Variants in LRFN5 observed in about 807,000 individuals in gnomAD.
The protein encoded by LRFN5 is leucine rich repeat and fibronectin type III domain containing 5.
Under a neutral mutation model 45.6 loss-of-function variants are expected in LRFN5, and 24 were observed. The ratio of observed to expected loss-of-function variants is 0.53; its 90% CI spans 0.38 to 0.74. The LOEUF is 0.74. Ranked by LOEUF, LRFN5 falls within the 30% of genes least tolerant of loss-of-function variation. The pLI, the probability that LRFN5 is intolerant of heterozygous loss-of-function variation, is 0.00. For missense variants in LRFN5, 776 were observed against 861.5 expected, an observed-to-expected ratio of 0.90 and a Z score of 1.24; for synonymous variants, 340 against 313.8, an observed-to-expected ratio of 1.08 and a Z score of -0.88.
chr14:41,706,193 C>T (rs528991651), intron 1 of LRFN5, among the ~76,000 whole-genome samples: 1 of 152,038 alleles, frequency 6.6e-6, no homozygotes, highest in African/African-American at 2.4e-5. Context: ...CTGCACCTCC[C>T]AGGTTCAAGC....
rs976458863 is a variant in LRFN5 at position 41,879,008 on chromosome 14, A to G, written c.-20-7598A>G. ...TTGTCCAAATAACTTGGGAAAAATCATTAATCACAATTTATATGATTTTTT... is the reference window on the plus strand; with the variant it reads ...TTGTCCAAATAACTTGGGAAAAATCGTTAATCACAATTTATATGATTTTTT... On this transcript the variant is annotated intron_variant, in intron 2 of 5. Transcript: ENST00000298119. Among the ~76,000 whole-genome samples the G allele has an allele frequency of 2.0e-5, 3 of 152,082 alleles. No individual in the cohort carries two copies. The South Asian group carries it at 6.2e-4, about 31-fold the overall frequency.
intron 2 of LRFN5, among the ~76,000 whole-genome samples, chr14:41,773,640 T>TA (rs1402203459): frequency 3.9e-5 from 6 of 152,154 alleles, no homozygotes; most frequent in Non-Finnish European, 5.9e-5. Flanking sequence ...AAAAAATAAT[T>TA]ACAGACTTGT....
Position 41,887,550 on chromosome 14 carries a change from A to C in LRFN5, c.925A>C (p.Lys309Gln). Residue 309 changes from lysine to glutamine, a missense_variant, in exon 3 of 6, where the codon AAA becomes CAA. Lys to Gln is a moderately conservative substitution (Grantham distance 53). This residue lies in a region of LRFN5 where 311 missense variants were observed against 405.1 expected (regional missense o/e 0.77). Transcript: ENST00000298119. The surrounding 1 kb of genome is among the most constrained non-coding windows in gnomAD (Gnocchi z 4.8). ...LEGQRATLRC[K>Q]ARGDPEPAIH... ...GGGACAAAGGGCAACACTGAGGTGC[A>C]AAGCCAGGGGAGACCCTGAGCCTGC... 1 of 1,614,208 alleles carries C rather than the reference A, an allele frequency of 6.2e-7. No homozygotes were observed. Among genetic ancestry groups the C allele is most frequent in the African/African-American group, 1.3e-5 (1 of 75,072 alleles).
chr14:41,890,211 T>G (rs1406712000), intron 3 of LRFN5, among the ~76,000 whole-genome samples: 1 of 152,114 alleles, frequency 6.6e-6, no homozygotes, highest in Non-Finnish European at 1.5e-5. Flanking sequence ...TCTAAACTCT[T>G]GCACTTTATA....
chr14:41,733,846 G>A (rs2138800250), intron 1 of LRFN5, among the ~76,000 whole-genome samples: 1 of 151,198 alleles, frequency 6.6e-6, no homozygotes, highest in Admixed American at 6.6e-5. Flanking sequence ...ATGAACAATG[G>A]TTCCTTATTG....
chr14:41,808,197 G>GGAAGGAA (rs1887587235), intron 2 of LRFN5, among the ~76,000 whole-genome samples: 2 of 101,074 alleles, frequency 2.0e-5, no homozygotes, highest in Non-Finnish European at 1.9e-5. Context: ...AGGAAGTAGA[G>GGAAGGAA]GGAAGGAAGG....
Position 41,763,483 on chromosome 14 carries a change from T to C in LRFN5, c.-196-3371T>C, listed in dbSNP as rs575353490. Among the ~76,000 whole-genome samples the C allele has an allele frequency of 3.3e-5, 5 of 152,314 alleles. No individual in the cohort carries two copies. In the South Asian group the frequency reaches 8.3e-4, roughly 25 times the overall value. On this transcript the variant is annotated intron_variant, in intron 1 of 5. Coordinates refer to ENST00000298119, the MANE Select transcript of LRFN5 (RefSeq NM_152447.5). ...TTCTAAGTTCTTTCTGAGTTTAGTA[T>C]TGGCACCTTATGTGGTTTGGCTTTG...
intron 1 of LRFN5, among the ~76,000 whole-genome samples, chr14:41,751,299 T>C (rs1053822554): frequency 6.6e-6 from 1 of 152,116 alleles, no homozygotes. Flanking sequence ...TTAATAGCAC[T>C]ATGGTAAAAT....
chr14:41,667,622 A>G (rs1181989131), intron 1 of LRFN5, among the ~76,000 whole-genome samples: 1 of 152,124 alleles, frequency 6.6e-6, no homozygotes. Context: ...TCCCTGCCTC[A>G]TTGATGAATT....
intron 1 of LRFN5, among the ~76,000 whole-genome samples, chr14:41,612,328 A>G (rs375998745): frequency 1.3e-4 from 20 of 152,196 alleles, no homozygotes; most frequent in African/African-American, 4.6e-4. Flanking sequence ...TGAGGCTGGG[A>G]AAAGGAAGCT....
chr14:41,814,233 C>T (rs564240396), intron 2 of LRFN5, among the ~76,000 whole-genome samples: 1 of 152,170 alleles, frequency 6.6e-6, no homozygotes, highest in East Asian at 1.9e-4. Flanking sequence ...GAATTCTTTG[C>T]TTATGCCTAT....
chr14:41,881,228 T>C (rs895780269), intron 2 of LRFN5, among the ~76,000 whole-genome samples: 1 of 152,148 alleles, frequency 6.6e-6, no homozygotes, highest in Non-Finnish European at 1.5e-5. Flanking sequence ...GCACAGAATA[T>C]CTGAGATAAA....
At chr14:41,673,711 G>A (rs1388895289) in intron 1 of LRFN5, among the ~76,000 whole-genome samples, 3 of 138,424 alleles carry the variant, frequency 2.2e-5, no homozygotes, top group South Asian at 4.9e-4. Flanking sequence ...GTGGCTGGCC[G>A]GGCAGAGGGG....
At chr14:41,685,299 A>G (rs1037141532) in intron 1 of LRFN5, among the ~76,000 whole-genome samples, 1 of 152,190 alleles carries the variant, frequency 6.6e-6, no homozygotes, top group Non-Finnish European at 1.5e-5. Context: ...TGGTAGTTAT[A>G]TACACAAAAG....
chr14:41,891,746 G>C lies in LRFN5; in HGVS notation c.1882G>C (p.Ala628Pro). Reference protein sequence around the residue: ...SSQDSSTTTSALPPSWTSSTS... With the variant: ...SSQDSSTTTSPLPPSWTSSTS... ...TCAGGACTCCTCTACCACTACCTCT[G>C]CTTTGCCTCCTTCCTGGACTTCAAG... The change falls in exon 4 of 6, where the codon GCT becomes CCT. Residue 628 changes from alanine to proline, a missense_variant. Physicochemically the swap from Ala to Pro is conservative, Grantham distance 27. Transcript: ENST00000298119. 1.2e-6 allele frequency: 2 copies of C among 1,614,136 alleles called. No individual in the cohort carries two copies. The highest frequency in any genetic ancestry group is 2.7e-5 in the African/African-American group (2 of 75,022).
intron 1 of LRFN5, among the ~76,000 whole-genome samples, chr14:41,723,044 A>G (rs1016276359): frequency 6.6e-6 from 1 of 152,178 alleles, no homozygotes; most frequent in African/African-American, 2.4e-5. Context: ...GGGTAGCCTC[A>G]ACTCCTAATC....
chr14:41,737,762 A>G (rs779613345), intron 1 of LRFN5, among the ~76,000 whole-genome samples: 3 of 152,162 alleles, frequency 2.0e-5, no homozygotes, highest in Non-Finnish European at 4.4e-5. Context: ...TACAAAGAGA[A>G]TAAAGTACCT....
Position 41,682,268 on chromosome 14 carries a change from TA to T in LRFN5, c.-197+73708del, listed in dbSNP as rs575871436. Among the ~76,000 whole-genome samples, 1,493 of 151,848 alleles carry T rather than the reference TA, an allele frequency of 9.8e-3. 6 individuals carry two copies. The highest frequency in any genetic ancestry group is 0.02 in the East Asian group (102 of 5,176). Reference sequence around the variant, plus strand: ...CTTAAAATAATAATAATAATAATAATAATTATGACAACAACGACTTGTCAAG... The same window carrying T: ...CTTAAAATAATAATAATAATAATAATATTATGACAACAACGACTTGTCAAG... On this transcript the variant is annotated intron_variant, in intron 1 of 5. Transcript: ENST00000298119.
At chr14:41,611,394 T>C (rs942260820) in intron 1 of LRFN5, among the ~76,000 whole-genome samples, 2 of 152,220 alleles carry the variant, frequency 1.3e-5, no homozygotes, top group Admixed American at 1.3e-4. Context: ...ACTGTCCTTG[T>C]TAAGAATTGT....
Sources: gnomAD v4.1 joint callset for allele counts (sites outside exome capture counted in the v4.1 genomes callset) on GRCh38, gnomAD v4.1.1 for gene constraint, gnomAD v4.1.1 regional missense constraint, Gnocchi (gnomAD v3.1) non-coding constraint, MANE v1.5 for transcripts, NCBI Gene and HGNC (gene_info 2026-07-23, HGNC 2026-07-21) for gene names.